EPHA6: variants seen among roughly 807,000 people sequenced by gnomAD.
The protein encoded by EPHA6 is ephrin type-A receptor 6.
In EPHA6, 50 loss-of-function variants were observed where a neutral mutation model predicts 112.0. The ratio of observed to expected loss-of-function variants is 0.45; its 90% CI spans 0.36 to 0.56. The LOEUF is 0.56. Among genes scored for constraint, EPHA6 ranks in the 20% least tolerant of loss-of-function variants. EPHA6 has a pLI of 0.00. For missense variants in EPHA6, 1,280 were observed against 1,417.4 expected (o/e 0.90, Z 1.56); for synonymous variants, 529 against 490.7 (o/e 1.08, Z -1.03).
At chr3:97,117,517 T>C (rs1361497190) in intron 3 of EPHA6, among the ~76,000 whole-genome samples, 16 of 151,802 alleles carry the variant, frequency 1.1e-4, no homozygotes, top group Admixed American at 9.2e-4. Context: ...AAGTGACTAA[T>C]TTCATTCTTC....
chr3:96,939,619 T>A (rs1259646783), intron 2 of EPHA6, among the ~76,000 whole-genome samples: 4 of 152,200 alleles, frequency 2.6e-5, no homozygotes, highest in Non-Finnish European at 4.4e-5. Flanking sequence ...TCTGCTCTGA[T>A]GTTAGTTATT....
chr3:97,310,377 A>T (rs1019524930), intron 5 of EPHA6, among the ~76,000 whole-genome samples: 1 of 151,604 alleles, frequency 6.6e-6, no homozygotes, highest in Non-Finnish European at 1.5e-5. Flanking sequence ...CCACTAAAAT[A>T]TTTGGGAAAG....
chr3:97,422,247 G>T (rs2088719197), intron 6 of EPHA6, among the ~76,000 whole-genome samples: 1 of 151,070 alleles, frequency 6.6e-6, no homozygotes, highest in Non-Finnish European at 1.5e-5. Context: ...TAGTAAAGGA[G>T]TAGTATCCAA....
rs2107699365 is a variant in EPHA6 at position 97,688,182 on chromosome 3, T to G, written c.2785-32079T>G. On this transcript the variant is annotated intron_variant, in intron 14 of 17. Coordinates refer to ENST00000389672, the MANE Select transcript of EPHA6 (RefSeq NM_001080448.3). ...TGATATGATCATTGCCAGTGGAAATTTCTGATTGTGTCTTTCAATGTATGT... is the reference window on the plus strand; with the variant it reads ...TGATATGATCATTGCCAGTGGAAATGTCTGATTGTGTCTTTCAATGTATGT... 1.3e-5 allele frequency among the ~76,000 whole-genome samples: 2 copies of G among 152,314 alleles called. 1 individual carries two copies. The highest frequency in any genetic ancestry group is 4.1e-4 in the South Asian group (2 of 4,828).
intron 14 of EPHA6, among the ~76,000 whole-genome samples, chr3:97,659,825 T>C (rs2094158685): frequency 6.6e-6 from 1 of 152,036 alleles, no homozygotes. Flanking sequence ...TACCACAGAT[T>C]ATGCTTTAAT....
At chr3:97,188,726 T>C (rs529905000) in intron 3 of EPHA6, among the ~76,000 whole-genome samples, 1 of 152,054 alleles carries the variant, frequency 6.6e-6, no homozygotes. Context: ...TAAAAACAGC[T>C]CCATTTTATG....
At chr3:97,696,630 T>A (rs2033058408) in intron 14 of EPHA6, among the ~76,000 whole-genome samples, 1 of 152,206 alleles carries the variant, frequency 6.6e-6, no homozygotes. Context: ...TAGATTCTTC[T>A]GGCACAGAAG....
intron 3 of EPHA6, among the ~76,000 whole-genome samples, chr3:97,023,666 T>G (rs907843097): frequency 6.6e-6 from 1 of 152,038 alleles, no homozygotes; most frequent in Non-Finnish European, 1.5e-5. Context: ...TAAATTTTTT[T>G]TTTTTTACTA....
At chr3:96,923,910 G>A (rs531824416) in intron 2 of EPHA6, among the ~76,000 whole-genome samples, 1 of 152,190 alleles carries the variant, frequency 6.6e-6, no homozygotes, top group African/African-American at 2.4e-5. Context: ...GCTTGTTTTA[G>A]TCGGGTTTGT....
At chr3:97,282,854 G>C (rs1439645074) in intron 5 of EPHA6, among the ~76,000 whole-genome samples, 1 of 152,142 alleles carries the variant, frequency 6.6e-6, no homozygotes, top group Non-Finnish European at 1.5e-5. Flanking sequence ...GGGGAAGGGA[G>C]AGCATTAGGA....
At chr3:97,279,161 G>T (rs1008488878) in intron 5 of EPHA6, among the ~76,000 whole-genome samples, 1 of 152,086 alleles carries the variant, frequency 6.6e-6, no homozygotes, top group South Asian at 2.1e-4. Flanking sequence ...TATGAAAAGG[G>T]CCAGAACATC....
intron 3 of EPHA6, among the ~76,000 whole-genome samples, chr3:97,106,742 G>T (rs1010092525): frequency 2.0e-5 from 3 of 152,198 alleles, no homozygotes; most frequent in South Asian, 4.1e-4. Context: ...TGTAACACAG[G>T]CTCACTGAGA....
chr3:97,509,689 T>C (rs1257846072), intron 10 of EPHA6, among the ~76,000 whole-genome samples: 3 of 152,128 alleles, frequency 2.0e-5, no homozygotes, highest in Non-Finnish European at 4.4e-5. Context: ...TCAAGGAGTA[T>C]CTTTGTAGTA....
chr3:97,156,106 G>T (rs1275483450), intron 3 of EPHA6, among the ~76,000 whole-genome samples: 2 of 152,108 alleles, frequency 1.3e-5, no homozygotes, highest in African/African-American at 4.8e-5. Context: ...CAAATGTGAA[G>T]TTATTTTATC....
chr3:97,563,198 T>A (rs1468729139), intron 11 of EPHA6, among the ~76,000 whole-genome samples: 3 of 152,080 alleles, frequency 2.0e-5, no homozygotes, highest in African/African-American at 7.2e-5. Context: ...CAAAGAAGTA[T>A]AAAGTTATGT....
chr3:97,189,306 G>A (rs963439623), intron 3 of EPHA6, among the ~76,000 whole-genome samples: 5 of 151,936 alleles, frequency 3.3e-5, no homozygotes, highest in African/African-American at 7.2e-5. Context: ...ATTTTAAATT[G>A]TTTGAGAAAT....
At chr3:97,228,499 T>C (rs1484414135) in intron 4 of EPHA6, among the ~76,000 whole-genome samples, 1 of 151,938 alleles carries the variant, frequency 6.6e-6, no homozygotes, top group Non-Finnish European at 1.5e-5. Context: ...TTTGTTCCTT[T>C]TTATTGCTGA....
intron 5 of EPHA6, among the ~76,000 whole-genome samples, chr3:97,322,242 T>C (rs1397924949): frequency 1.3e-5 from 2 of 152,030 alleles, no homozygotes; most frequent in Non-Finnish European, 2.9e-5. Context: ...TTTTTAAGCC[T>C]CTGAGTTAGA....
intron 2 of EPHA6, among the ~76,000 whole-genome samples, chr3:96,978,348 G>A (rs919303107): frequency 6.6e-6 from 1 of 152,004 alleles, no homozygotes; most frequent in African/African-American, 2.4e-5. Flanking sequence ...CATTGTAAGT[G>A]GACCTGCATA....
Sources: allele counts gnomAD v4.1 joint callset (sites outside exome capture counted in the v4.1 genomes callset), GRCh38; gene constraint gnomAD v4.1.1; transcripts MANE v1.5; gene names NCBI Gene and HGNC (gene_info 2026-07-23, HGNC 2026-07-21).